Variants in XKR9 observed in about 807,000 individuals in gnomAD.
The protein encoded by XKR9 is XK-related protein 9.
In XKR9, 32 loss-of-function variants were observed where a neutral mutation model predicts 32.0. That is an observed-to-expected ratio of 1.00 (90% confidence interval 0.76 to 1.34). XKR9 has a LOEUF of 1.34. Among genes scored for constraint, XKR9 ranks in the 40% most tolerant of loss-of-function variants. The pLI is 0.00. For synonymous variants in XKR9, 168 were observed against 143.4 expected, an observed-to-expected ratio of 1.17 and a Z score of -1.22; for missense variants, 546 against 429.7, an observed-to-expected ratio of 1.27 and a Z score of -2.39.
chr8:70,893,742 C>T, the XKR9 span, among the ~76,000 whole-genome samples: 6 of 152,072 alleles, frequency 3.9e-5, no homozygotes, highest in Non-Finnish European at 8.8e-5. Flanking sequence ...TCTTATTTTC[C>T]CAACAATGAT....
At chr8:70,774,209 C>T (rs561852458) in intron 2 of XKR9, among the ~76,000 whole-genome samples, 11 of 152,242 alleles carry the variant, frequency 7.2e-5, no homozygotes, top group South Asian at 4.1e-4. Flanking sequence ...TTCATGATTG[C>T]GTAGAAAAAG....
chr8:70,994,882 C>G, the XKR9 span, among the ~76,000 whole-genome samples: 6 of 151,878 alleles, frequency 4.0e-5, no homozygotes, highest in African/African-American at 1.5e-4. Context: ...AAGTGACAGG[C>G]AAATGAAAAG....
intron 3 of XKR9, among the ~76,000 whole-genome samples, chr8:70,700,831 G>T (rs1805498949): frequency 6.6e-6 from 1 of 152,208 alleles, no homozygotes; most frequent in Non-Finnish European, 1.5e-5. Context: ...GCTGTGCTGG[G>T]CTCCACGCAG....
chr8:70,788,837 G>T (rs771127348), intron 2 of XKR9, among the ~76,000 whole-genome samples: 1 of 152,044 alleles, frequency 6.6e-6, no homozygotes, highest in Non-Finnish European at 1.5e-5. Flanking sequence ...CTGCAAGTGC[G>T]TTGGAAGGCC....
chr8:70,807,427 T>A, the XKR9 span, among the ~76,000 whole-genome samples: 1 of 152,148 alleles, frequency 6.6e-6, no homozygotes, highest in Non-Finnish European at 1.5e-5. Flanking sequence ...TAACATTAAA[T>A]GTAAATGGGC....
At chr8:71,029,890 T>C in the XKR9 span, among the ~76,000 whole-genome samples, 1 of 151,916 alleles carries the variant, frequency 6.6e-6, no homozygotes, top group Non-Finnish European at 1.5e-5. Context: ...AGGTGTAAAA[T>C]CAGCATTGCC....
the XKR9 span, among the ~76,000 whole-genome samples, chr8:70,816,328 G>A: frequency 6.6e-6 from 1 of 152,176 alleles, no homozygotes; most frequent in South Asian, 2.1e-4. Flanking sequence ...ATGGAAAACA[G>A]TATGGAGATT....
At chr8:70,894,354 C>T in the XKR9 span, among the ~76,000 whole-genome samples, 1 of 151,992 alleles carries the variant, frequency 6.6e-6, no homozygotes, top group Non-Finnish European at 1.5e-5. Flanking sequence ...AGGGATGTGT[C>T]ACAGTTCGGT....
At chr8:70,861,445 A>C in the XKR9 span, among the ~76,000 whole-genome samples, 1 of 151,886 alleles carries the variant, frequency 6.6e-6, no homozygotes, top group Non-Finnish European at 1.5e-5. Flanking sequence ...GAAACCAGGA[A>C]GTTCAGATCA....
chr8:71,007,307 G>T, the XKR9 span, among the ~76,000 whole-genome samples: 1 of 152,136 alleles, frequency 6.6e-6, no homozygotes, highest in Non-Finnish European at 1.5e-5. Flanking sequence ...AGCATTGAGG[G>T]GAGATATGAT....
At chr8:70,773,246 A>T (rs1011616520) in intron 2 of XKR9, among the ~76,000 whole-genome samples, 2 of 152,122 alleles carry the variant, frequency 1.3e-5, no homozygotes, top group Non-Finnish European at 1.5e-5. Flanking sequence ...CCAAAACAGG[A>T]TTATTATTTG....
chr8:70,975,710 G>T, the XKR9 span, among the ~76,000 whole-genome samples: 1 of 152,164 alleles, frequency 6.6e-6, no homozygotes, highest in East Asian at 1.9e-4. Flanking sequence ...GCTTAGGATT[G>T]TCTTGGCAAT....
At chr8:70,810,587 G>A in the XKR9 span, among the ~76,000 whole-genome samples, 3 of 152,140 alleles carry the variant, frequency 2.0e-5, no homozygotes, top group Admixed American at 6.5e-5. Context: ...ATAAAGGGAT[G>A]GAGGAAGATC....
the XKR9 span, among the ~76,000 whole-genome samples, chr8:70,959,689 T>C: frequency 4.0e-3 from 614 of 152,326 alleles, 3 homozygotes; most frequent in Middle Eastern, 0.027. Flanking sequence ...TCATATGATA[T>C]ACATTTTTGA....
chr8:70,856,109 T>C, the XKR9 span, among the ~76,000 whole-genome samples: 4 of 152,204 alleles, frequency 2.6e-5, no homozygotes, highest in East Asian at 3.9e-4. Context: ...AATGACAGGA[T>C]CAAATGCACA....
At chr8:70,721,287 G>A (rs750054189) in intron 4 of XKR9, among the ~76,000 whole-genome samples, 13 of 151,604 alleles carry the variant, frequency 8.6e-5, no homozygotes, top group South Asian at 6.3e-4. Context: ...ACGGTTTTTC[G>A]TTTCTCTATC....
the XKR9 span, among the ~76,000 whole-genome samples, chr8:70,815,242 G>C: frequency 1.1e-3 from 173 of 152,186 alleles, 1 homozygote; most frequent in African/African-American, 3.9e-3. Context: ...ATGGGGGTTT[G>C]TTGTACAGAT....
chr8:71,006,102 G>A, the XKR9 span, among the ~76,000 whole-genome samples: 1 of 152,202 alleles, frequency 6.6e-6, no homozygotes, highest in East Asian at 1.9e-4. Flanking sequence ...GGCCTTTCAG[G>A]CCAAATAATT....
intron 2 of XKR9, among the ~76,000 whole-genome samples, chr8:70,771,804 G>A (rs1807457476): frequency 6.6e-6 from 1 of 152,120 alleles, no homozygotes. Context: ...TGTTTCTTGA[G>A]GTTTGGGTGA....
Sources: allele counts gnomAD v4.1 joint callset (sites outside exome capture counted in the v4.1 genomes callset), GRCh38; gene constraint gnomAD v4.1.1; transcripts MANE v1.5; gene names NCBI Gene and HGNC (gene_info 2026-07-23, HGNC 2026-07-21).